GCN1: variants seen among roughly 807,000 people sequenced by gnomAD.
GCN1 encodes stalled ribosome sensor GCN1.
In GCN1, 90 loss-of-function variants were observed where a neutral mutation model predicts 288.4. That is an observed-to-expected ratio of 0.31 (90% confidence interval 0.26 to 0.37). GCN1 has a LOEUF of 0.37. Ranked by LOEUF, GCN1 falls within the 10% of genes least tolerant of loss-of-function variation. The pLI, the probability that GCN1 is intolerant of heterozygous loss-of-function variation, is 1.00. For missense variants in GCN1, 2,586 were observed against 3,419.9 expected, an observed-to-expected ratio of 0.76 and a Z score of 6.08; for synonymous variants, 1,386 against 1,420.2, an observed-to-expected ratio of 0.98 and a Z score of 0.54.
chr12:120,153,300 A>G lies in GCN1; in HGVS notation c.3975T>C (p.Ser1325=). The G allele has an allele frequency of 6.2e-7, 1 of 1,614,242 alleles. No individual in the cohort carries two copies. Among genetic ancestry groups the G allele is most frequent in the Admixed American group, 1.7e-5 (1 of 60,030 alleles). ...VRQSVVVLMG[S]LAKHLDKSDP... The stretch of plus-strand genomic sequence containing the variant: ...CACTCTTGTCCAGGTGCTTGGCCAG[A>G]GAGCCCATCAGGACCACCACACTCT... Residue 1325 remains serine (S), a synonymous_variant, in exon 33 of 58, where the codon TCT becomes TCC. Transcript: ENST00000300648. This position sits in a 1 kb window ranked among gnomAD's most constrained non-coding sequence, Gnocchi z 4.4.
intron 12 of GCN1, 43 bp from the exon 13 acceptor site, chr12:120,174,212 C>G (rs774487417): frequency 8.8e-7 from 1 of 1,139,254 alleles, no homozygotes; most frequent in East Asian, 2.3e-5. Flanking sequence ...CAGCACAGAA[C>G]CACAGAGGCA....
In GCN1 at chr12:120,158,019, A is replaced by G; in HGVS notation, c.2917T>C (p.Leu973=). 1 of 1,613,868 alleles carries G rather than the reference A, an allele frequency of 6.2e-7. No homozygotes were observed. ...ACTAAGGAGAAGGCTGGCGCGGACA[A>G]GGGCGCAGCACCTGTGAGAGCGAGA... ...VGKGEPGAAP[L]SAPAFSLVFP... Residue 973 remains leucine (L), a synonymous_variant, in exon 26 of 58, where the codon TTG becomes CTG. Transcript: ENST00000300648. The surrounding 1 kb of genome is among the most constrained non-coding windows in gnomAD (Gnocchi z 4.3).
intron 5 of GCN1, 31 bp downstream of exon 5, chr12:120,183,538 C>T (rs1251878453): frequency 7.5e-7 from 1 of 1,326,532 alleles, no homozygotes; most frequent in East Asian, 2.3e-5. Flanking sequence ...GAAAGCTGAC[C>T]CTTGCTACTT....
At chr12:120,176,085 C>CCT in intron 10 of GCN1, 58 bp downstream of exon 10, 1 of 1,372,238 alleles carries the variant, frequency 7.3e-7, no homozygotes, top group East Asian at 2.3e-5. Context: ...ACAATTAGGA[C>CCT]AAGTACAACC....
intron 5 of GCN1, 145 bp downstream of exon 5, chr12:120,183,424 A>G (rs1878727614): frequency 3.1e-6 from 2 of 652,348 alleles, no homozygotes; most frequent in African/African-American, 3.6e-5. Flanking sequence ...ATGGCCATCC[A>G]CCAAAGCCAC....
In GCN1 at chr12:120,178,958, G is replaced by A; in HGVS notation, c.427-8C>T. 1 of 1,610,210 alleles carries A rather than the reference G, an allele frequency of 6.2e-7. No homozygotes were observed. Among genetic ancestry groups the A allele is most frequent in the Non-Finnish European group, 8.5e-7 (1 of 1,178,096 alleles). On this transcript the variant is annotated splice_region_variant and splice_polypyrimidine_tract_variant and intron_variant, in intron 5 of 57. Coordinates refer to ENST00000300648, the MANE Select transcript of GCN1 (RefSeq NM_006836.2). ...CAGGCACTGCACTTCCACCTGCCAGGACCAGGGAAGACTCAGGTCAAGGTG... is the reference window on the plus strand; with the variant it reads ...CAGGCACTGCACTTCCACCTGCCAGAACCAGGGAAGACTCAGGTCAAGGTG...
intron 36 of GCN1, 127 bp from the exon 37 acceptor site, chr12:120,148,473 G>A (rs965698166): frequency 1.4e-6 from 1 of 706,260 alleles, no homozygotes; most frequent in Non-Finnish European, 2.3e-6. Flanking sequence ...CAGTCACTGG[G>A]AGGAGGGGAG....
At chr12:120,191,209 C>G (rs1878994623) in intron 1 of GCN1, among the ~76,000 whole-genome samples, 1 of 152,232 alleles carries the variant, frequency 6.6e-6, no homozygotes, top group African/African-American at 2.4e-5. Flanking sequence ...GAAGTCACTG[C>G]TCAGAGTGGG....
At chr12:120,188,767 T>A (rs1041258540) in intron 2 of GCN1, among the ~76,000 whole-genome samples, 3 of 149,640 alleles carry the variant, frequency 2.0e-5, no homozygotes, top group Non-Finnish European at 3.0e-5. Context: ...AAGAATGATA[T>A]GAACCCGGGA....
chr12:120,168,221 C>G lies in GCN1; in HGVS notation c.1599G>C (p.Met533Ile). ...QVFTSEKFLVMASEDALCTVL... is the reference protein window; with the variant it reads ...QVFTSEKFLVIASEDALCTVL... ...GGAGTAACTTACCATCCTCTGAAGC[C>G]ATGACCAGGAATTTCTCAGAAGTGA... The change falls in exon 16 of 58, where the codon ATG (methionine) becomes ATC (isoleucine). Residue 533 changes from methionine to isoleucine, a missense_variant. Around this residue, in one of 8 missense-constraint regions of GCN1, gnomAD observed 913 missense variants for 1,107.0 expected, o/e 0.82. Transcript: ENST00000300648. 1 of 1,573,556 alleles carries G rather than the reference C, an allele frequency of 6.4e-7. No individual in the cohort carries two copies. Among genetic ancestry groups the G allele is most frequent in the Non-Finnish European group, 8.7e-7 (1 of 1,142,992 alleles).
chr12:120,138,209 G>T (rs1877075362), intron 47 of GCN1, 114 bp downstream of exon 47: 5 of 925,460 alleles, frequency 5.4e-6, no homozygotes, highest in Non-Finnish European at 8.9e-6. Flanking sequence ...TGCTTGCACT[G>T]CACCCTCCTC....
chr12:120,134,226 C>T lies in GCN1; in HGVS notation c.7317+65G>A. On this transcript the variant is annotated intron_variant, in intron 53 of 57. Transcript: ENST00000300648. This position sits in a 1 kb window ranked among gnomAD's most constrained non-coding sequence, Gnocchi z 5.0. ...TGGTTCTAACACAAAGTGAAGAACTCAACCTAAGGAGGAGGAGGGAAACCA... is the reference window on the plus strand; with the variant it reads ...TGGTTCTAACACAAAGTGAAGAACTTAACCTAAGGAGGAGGAGGGAAACCA... The T allele has an allele frequency of 9.3e-7, 1 of 1,073,902 alleles. No homozygotes were observed. The highest frequency in any genetic ancestry group is 2.4e-5 in the East Asian group (1 of 42,352). The allele number at this position is 1,073,902 out of a possible 1,614,324, so 66.5% of individuals were successfully genotyped here.
rs1307592792 is a variant in GCN1, at chr12:120,136,720, T to C, written c.6790A>G (p.Ile2264Val). The C allele has an allele frequency of 1.2e-6, 2 of 1,612,568 alleles. No individual in the cohort carries two copies. The highest frequency in any genetic ancestry group is 2.2e-5 in the East Asian group (1 of 44,872). ...ACTCCTTCCCGCAACACTGGAAGGA[T>C]GGAGGTCACTCCCTGACAAGAGAAC... ...FCLPKKGVTS[I>V]LPVLREGVLT... Residue 2264 changes from isoleucine to valine, a missense_variant, in exon 51 of 58, where the codon ATC becomes GTC. Ile to Val is a conservative substitution (Grantham distance 29, BLOSUM62 3). Coordinates refer to ENST00000300648, the MANE Select transcript of GCN1 (RefSeq NM_006836.2).
intron 5 of GCN1, 38 bp from the exon 6 acceptor site, chr12:120,178,988 A>G (rs763999914): frequency 3.8e-5 from 58 of 1,534,346 alleles, no homozygotes; most frequent in Non-Finnish European, 5.1e-5. Flanking sequence ...AAGGTGGGAC[A>G]TGAGACTGAG....
At position 120,142,162 on chromosome 12, in the gene GCN1, T is replaced by TA. The variant is rs1162219704; in HGVS notation, c.5829+344dup. Among the ~76,000 whole-genome samples the TA allele has an allele frequency of 1.3e-5, 2 of 151,960 alleles. No homozygotes were observed. Among genetic ancestry groups the TA allele is most frequent in the African/African-American group, 4.8e-5 (2 of 41,440 alleles). ...TAACGTGCTGAAACCCCGTCTCTAC[T>TA]AAAAATATAAAAAAATGGCCAGGTG... On this transcript the variant is annotated intron_variant, in intron 44 of 57. Coordinates refer to ENST00000300648, the MANE Select transcript of GCN1 (RefSeq NM_006836.2). This position sits in a 1 kb window ranked among gnomAD's most constrained non-coding sequence, Gnocchi z 4.9.
chr12:120,171,847 T>C (rs1489909161), intron 14 of GCN1, among the ~76,000 whole-genome samples: 1 of 152,248 alleles, frequency 6.6e-6, no homozygotes. Context: ...CTGATGGTCA[T>C]TCAATGCAGC....
At chr12:120,167,941 A>G (rs986921220) in intron 16 of GCN1, among the ~76,000 whole-genome samples, 3 of 151,982 alleles carry the variant, frequency 2.0e-5, no homozygotes, top group Non-Finnish European at 4.4e-5. Flanking sequence ...GACAGCACCA[A>G]TTACCCAATC....
At chr12:120,168,463 T>C in intron 15 of GCN1, 163 bp from the exon 16 acceptor site, 1 of 597,174 alleles carries the variant, frequency 1.7e-6, no homozygotes, top group Non-Finnish European at 3.0e-6. Flanking sequence ...GTCCTTCTGG[T>C]ATCACCTCCT....
chr12:120,148,846 G>T (rs1300547040), intron 36 of GCN1, among the ~76,000 whole-genome samples: 2 of 152,026 alleles, frequency 1.3e-5, no homozygotes, highest in East Asian at 1.9e-4. Flanking sequence ...TTGAGACAGG[G>T]TCTCACGCTG....
Sources: gnomAD v4.1 joint callset for allele counts (sites outside exome capture counted in the v4.1 genomes callset) on GRCh38, gnomAD v4.1.1 for gene constraint, gnomAD v4.1.1 regional missense constraint, Gnocchi (gnomAD v3.1) non-coding constraint, MANE v1.5 for transcripts, NCBI Gene and HGNC (gene_info 2026-07-23, HGNC 2026-07-21) for gene names.